The following B4GALNT3 variants were observed in gnomAD, a reference collection of about 807,000 sequenced individuals.
The protein encoded by B4GALNT3 is beta-1,4-N-acetyl-galactosaminyltransferase 3.
A neutral mutation model predicts 120.2 loss-of-function variants in B4GALNT3; 86 were observed. The observed-to-expected ratio is 0.72, with a 90% CI of 0.60 to 0.86. The LOEUF is 0.86. B4GALNT3 is among the 40% of genes least tolerant of loss of function. B4GALNT3 has a pLI of 0.00. For synonymous variants in B4GALNT3, 518 were observed against 510.4 expected, an observed-to-expected ratio of 1.01 and a Z score of -0.20; for missense variants, 1,167 against 1,298.9, an observed-to-expected ratio of 0.90 and a Z score of 1.56.
chr12:461,900 A>G (rs1946026344), intron 1 of B4GALNT3, among the ~76,000 whole-genome samples: 1 of 152,224 alleles, frequency 6.6e-6, no homozygotes, highest in African/African-American at 2.4e-5. Context: ...TCTCAGGTGA[A>G]AATGAGGCCT....
chr12:467,983 G>A (rs897762117), intron 1 of B4GALNT3, among the ~76,000 whole-genome samples: 3 of 152,182 alleles, frequency 2.0e-5, no homozygotes, highest in East Asian at 1.9e-4. Flanking sequence ...TTCACCTGGA[G>A]AAAAGTGTAA....
In B4GALNT3 at chr12:548,341, G is replaced by A. The variant is rs1205739410; in HGVS notation, c.853+44G>A. 4 of 1,582,708 alleles carry A rather than the reference G, an allele frequency of 2.5e-6. No homozygotes were observed. The highest frequency in any genetic ancestry group is 3.5e-6 in the Non-Finnish European group (4 of 1,151,720). ...TGCCCTGGAGATGGAGGCCAGGTGG[G>A]GACAGCCTACCCTGGGGGATTTGGC... On this transcript the variant is annotated intron_variant, in intron 9 of 19. Transcript: ENST00000266383. The surrounding 1 kb of genome is among the most constrained non-coding windows in gnomAD (Gnocchi z 4.9).
chr12:485,262 C>T (rs748420807), intron 1 of B4GALNT3, among the ~76,000 whole-genome samples: 39 of 152,156 alleles, frequency 2.6e-4, no homozygotes, highest in Admixed American at 1.3e-3. Flanking sequence ...CCCCAGCAAG[C>T]GTGGGCACTG....
rs1946859358 is a variant in B4GALNT3 at position 536,314 on chromosome 12, T to C, written c.351+19T>C. 1.9e-6 allele frequency: 3 copies of C among 1,587,126 alleles called. No homozygotes were observed. Among genetic ancestry groups the C allele is most frequent in the Non-Finnish European group, 2.6e-6 (3 of 1,155,936 alleles). On this transcript the variant is annotated intron_variant, in intron 3 of 19. Transcript: ENST00000266383. ...CTCAGAGGTGAGGGACTTTCTATTG[T>C]ACCTGCCCTTTGAGAGAGCTAAAAA...
intron 14 of B4GALNT3, among the ~76,000 whole-genome samples, chr12:554,767 G>C (rs1366360595): frequency 1.1e-4 from 13 of 118,246 alleles, no homozygotes; most frequent in South Asian, 3.0e-4. Context: ...TCCAGCCTGG[G>C]CGACAGAGCA....
intron 1 of B4GALNT3, among the ~76,000 whole-genome samples, chr12:472,456 A>G (rs1946145444): frequency 7.5e-6 from 1 of 133,464 alleles, no homozygotes; most frequent in Non-Finnish European, 1.6e-5. Flanking sequence ...ATTTTATTTT[A>G]TTTATTTTTT....
intron 1 of B4GALNT3, among the ~76,000 whole-genome samples, chr12:479,955 C>T (rs1946220167): frequency 6.9e-6 from 1 of 145,382 alleles, no homozygotes; most frequent in African/African-American, 2.6e-5. Flanking sequence ...GCTCTGTCGC[C>T]CAGGCTGGAG....
rs1016160150 is a variant in B4GALNT3, at chr12:550,851, C to T, written c.998-71C>T. 4 of 1,257,316 alleles carry T rather than the reference C, an allele frequency of 3.2e-6. No homozygotes were observed. Among genetic ancestry groups the T allele is most frequent in the African/African-American group, 3.0e-5 (2 of 67,548 alleles). The allele number at this position is 1,257,316 out of a possible 1,614,324, so 77.9% of individuals were successfully genotyped here. On this transcript the variant is annotated intron_variant, in intron 10 of 19. Coordinates refer to ENST00000266383, the MANE Select transcript of B4GALNT3 (RefSeq NM_173593.4). This position sits in a 1 kb window ranked among gnomAD's most constrained non-coding sequence, Gnocchi z 4.1. Reference sequence around the variant, plus strand: ...TTGCGAATACAGAAAGGGCCCTGCTCAGGGCAGAGGACTTCAGCCCCAGTT... The same window carrying T: ...TTGCGAATACAGAAAGGGCCCTGCTTAGGGCAGAGGACTTCAGCCCCAGTT...
chr12:553,731 TGGAG>T lies in B4GALNT3; in HGVS notation c.1813_1816del (p.Gly605ArgfsTer13). 6.2e-7 allele frequency: 1 copy of T among 1,612,922 alleles called. No individual in the cohort carries two copies. The highest frequency in any genetic ancestry group is 1.1e-5 in the South Asian group (1 of 90,984). ...GCGGCCGCAGGCCAGGAAGGACAAG[TGGAG>T]GGAGAGGAAGAGGGGGAAGAAGAGG... On this transcript the variant is annotated frameshift_variant, in exon 14 of 20. Coordinates refer to ENST00000266383, the MANE Select transcript of B4GALNT3 (RefSeq NM_173593.4). LOFTEE classifies it high-confidence loss of function.
intron 1 of B4GALNT3, among the ~76,000 whole-genome samples, chr12:527,902 T>C (rs1190113421): frequency 6.6e-6 from 1 of 151,454 alleles, no homozygotes; most frequent in Admixed American, 6.6e-5. Context: ...AAATGAGAGA[T>C]AATAAGGAAA....
chr12:513,459 T>C (rs1428247578), intron 1 of B4GALNT3, among the ~76,000 whole-genome samples: 1 of 152,246 alleles, frequency 6.6e-6, no homozygotes, highest in Non-Finnish European at 1.5e-5. Flanking sequence ...GTCGCTGTGA[T>C]GTTTGTAAAC....
intron 1 of B4GALNT3, among the ~76,000 whole-genome samples, chr12:511,046 T>C (rs1205591013): frequency 1.1e-5 from 1 of 88,980 alleles, no homozygotes; most frequent in Non-Finnish European, 2.2e-5. Context: ...TTTTTTTTTT[T>C]TTTTTTTTTG....
intron 1 of B4GALNT3, among the ~76,000 whole-genome samples, chr12:512,679 A>ACCTTCCT (rs1946602047): frequency 3.1e-5 from 2 of 63,640 alleles, no homozygotes; most frequent in Non-Finnish European, 5.9e-5. Flanking sequence ...TCCACCTTCC[A>ACCTTCCT]CCTTCGATCT....
intron 1 of B4GALNT3, among the ~76,000 whole-genome samples, chr12:498,322 C>G (rs929436494): frequency 6.6e-6 from 1 of 152,276 alleles, no homozygotes; most frequent in East Asian, 1.9e-4. Flanking sequence ...CCGCCCAAGT[C>G]CAGTTGTCAC....
intron 1 of B4GALNT3, among the ~76,000 whole-genome samples, chr12:467,451 C>T (rs1201993806): frequency 5.3e-5 from 8 of 151,994 alleles, no homozygotes; most frequent in African/African-American, 9.7e-5. Context: ...CCCAGCTACT[C>T]GGGAGGCTGA....
chr12:470,778 A>G (rs1946128546), intron 1 of B4GALNT3, among the ~76,000 whole-genome samples: 1 of 152,034 alleles, frequency 6.6e-6, no homozygotes, highest in Non-Finnish European at 1.5e-5. Context: ...TCGCTCTGTC[A>G]CCCAGGCTGA....
chr12:512,214 A>T (rs1372073258), intron 1 of B4GALNT3, among the ~76,000 whole-genome samples: 4 of 56,100 alleles, frequency 7.1e-5, no homozygotes, highest in Non-Finnish European at 9.9e-5. Context: ...TCCACCTTCC[A>T]CCTTCCACCT....
rs199642570 is a variant in B4GALNT3 at position 559,469 on chromosome 12, G to A, written c.2888+48G>A. On this transcript the variant is annotated intron_variant, in intron 19 of 19. Coordinates refer to ENST00000266383, the MANE Select transcript of B4GALNT3 (RefSeq NM_173593.4). ...CCACGAGGCCTGGGAATTCCATGGCGCTCCAGGCAGGGAGCCAGGCTACAG... is the reference window on the plus strand; with the variant it reads ...CCACGAGGCCTGGGAATTCCATGGCACTCCAGGCAGGGAGCCAGGCTACAG... 207 of 1,605,320 alleles carry A rather than the reference G, an allele frequency of 1.3e-4. 2 individuals are homozygous for A. Among genetic ancestry groups the A allele is most frequent in the East Asian group, 9.9e-4 (44 of 44,628 alleles).
chr12:469,629 G>C (rs1402038024), intron 1 of B4GALNT3, among the ~76,000 whole-genome samples: 1 of 152,012 alleles, frequency 6.6e-6, no homozygotes, highest in Non-Finnish European at 1.5e-5. Flanking sequence ...ATTAGGGGTG[G>C]GGGCCAGGTT....
Sources: gnomAD v4.1 joint callset for allele counts (sites outside exome capture counted in the v4.1 genomes callset) on GRCh38, gnomAD v4.1.1 for gene constraint, Gnocchi (gnomAD v3.1) non-coding constraint, MANE v1.5 for transcripts, NCBI Gene and HGNC (gene_info 2026-07-23, HGNC 2026-07-21) for gene names.